GRM8: variants seen among roughly 807,000 people sequenced by gnomAD.
GRM8 encodes metabotropic glutamate receptor 8.
GRM8 carries 47 observed loss-of-function variants against 87.2 expected under a neutral mutation model. The ratio of observed to expected loss-of-function variants is 0.54; its 90% CI spans 0.43 to 0.69. GRM8 has a LOEUF of 0.69. GRM8 is among the 30% of genes least tolerant of loss of function. The pLI is 0.00. For synonymous variants in GRM8, 396 were observed against 404.5 expected (o/e 0.98, Z 0.25); for missense variants, 1,019 against 1,139.2 (o/e 0.89, Z 1.52).
intron 8 of GRM8, among the ~76,000 whole-genome samples, chr7:126,584,990 T>C (rs1406150847): frequency 6.6e-6 from 1 of 152,124 alleles, no homozygotes; most frequent in Non-Finnish European, 1.5e-5. Context: ...AATAACCCAA[T>C]TGAAAATAAA....
intron 2 of GRM8, among the ~76,000 whole-genome samples, chr7:127,237,508 T>C (rs760808160): frequency 1.3e-5 from 2 of 152,230 alleles, no homozygotes; most frequent in Admixed American, 6.5e-5. Flanking sequence ...TATATCTTCA[T>C]AAACATAGCA....
At chr7:126,865,793 G>A (rs554798257) in intron 6 of GRM8, among the ~76,000 whole-genome samples, 1 of 152,104 alleles carries the variant, frequency 6.6e-6, no homozygotes, top group Non-Finnish European at 1.5e-5. Flanking sequence ...ATATTCCATT[G>A]TATGGGTATG....
chr7:126,954,905 T>C (rs564418213), intron 3 of GRM8, among the ~76,000 whole-genome samples: 3 of 152,248 alleles, frequency 2.0e-5, no homozygotes, highest in East Asian at 1.9e-4. Context: ...CTAAGCAAGG[T>C]AGAGAAAGAA....
chr7:127,178,822 C>T lies in GRM8; in HGVS notation c.510+63873G>A, dbSNP rs1185565283. On this transcript the variant is annotated intron_variant, in intron 2 of 10. Coordinates refer to ENST00000339582, the MANE Select transcript of GRM8 (RefSeq NM_000845.3). ...TTCACCTATTACCAAGCCACCACTA[C>T]AAGAACTGCTAAAGGGAGCTCTAAA... 3.9e-5 allele frequency among the ~76,000 whole-genome samples: 6 copies of T among 152,144 alleles called. No individual in the cohort carries two copies. The South Asian group carries it at 8.3e-4, about 21-fold the overall frequency.
At chr7:126,679,111 T>A (rs1289250975) in intron 7 of GRM8, among the ~76,000 whole-genome samples, 1 of 152,200 alleles carries the variant, frequency 6.6e-6, no homozygotes, top group Non-Finnish European at 1.5e-5. Flanking sequence ...CTGTAGGCCA[T>A]CTTCCAGGGT....
rs142239225 is a variant in GRM8 at position 126,813,141 on chromosome 7, T to C, written c.1157-43076A>G. 2.0e-5 allele frequency among the ~76,000 whole-genome samples: 3 copies of C among 152,144 alleles called. No individual in the cohort carries two copies. In the East Asian group the frequency reaches 5.8e-4, roughly 29 times the overall value. ...CAGGTTTACCTATATAACCTACGCA[T>C]GTACCCCTGAACTTAAAAGTTTAAA... On this transcript the variant is annotated intron_variant, in intron 6 of 10. Coordinates refer to ENST00000339582, the MANE Select transcript of GRM8 (RefSeq NM_000845.3).
chr7:126,622,004 TTCTC>T (rs964165616), intron 7 of GRM8, among the ~76,000 whole-genome samples: 68 of 151,802 alleles, frequency 4.5e-4, no homozygotes, highest in African/African-American at 1.6e-3. Flanking sequence ...TCTCTTGCGC[TTCTC>T]TCTGTCCAGT....
intron 3 of GRM8, chr7:126,981,396 A>T (rs1158463193): frequency 6.6e-6 from 1 of 152,186 alleles, no homozygotes; most frequent in East Asian, 1.9e-4. Context: ...TAAATAATTT[A>T]TTTCTTACAG....
At chr7:127,201,250 AT>A (rs923033863) in intron 2 of GRM8, among the ~76,000 whole-genome samples, 1 of 152,166 alleles carries the variant, frequency 6.6e-6, no homozygotes, top group African/African-American at 2.4e-5. Context: ...GAGTTGTCTT[AT>A]TTGATCTATA....
intron 2 of GRM8, among the ~76,000 whole-genome samples, chr7:127,107,886 C>T (rs1825964145): frequency 6.6e-6 from 1 of 152,228 alleles, no homozygotes; most frequent in Non-Finnish European, 1.5e-5. Flanking sequence ...ACGTAAAAGT[C>T]ATCCCGGGAG....
intron 3 of GRM8, among the ~76,000 whole-genome samples, chr7:126,929,635 T>C (rs941966657): frequency 1.3e-5 from 2 of 152,044 alleles, no homozygotes; most frequent in Admixed American, 1.3e-4. Context: ...GGTTTCACCA[T>C]GTTGGCCAGG....
intron 3 of GRM8, among the ~76,000 whole-genome samples, chr7:127,070,202 C>A (rs1419445): frequency 0.35 from 52,703 of 151,964 alleles, 9,582 homozygotes; most frequent in Non-Finnish European, 0.41. Flanking sequence ...TTCTAAAATG[C>A]ACTTGGACAA....
At chr7:126,895,410 A>G (rs1318741919) in intron 6 of GRM8, among the ~76,000 whole-genome samples, 2 of 152,064 alleles carry the variant, frequency 1.3e-5, no homozygotes, top group African/African-American at 4.8e-5. Context: ...ACCAGGATCC[A>G]TGTCACCTGG....
intron 7 of GRM8, among the ~76,000 whole-genome samples, chr7:126,721,983 T>G (rs1396087188): frequency 2.0e-5 from 3 of 152,082 alleles, no homozygotes; most frequent in Non-Finnish European, 2.9e-5. Context: ...CAATGAACAC[T>G]TAAGCAGAGG....
At chr7:126,923,881 G>A (rs1352898184) in intron 3 of GRM8, among the ~76,000 whole-genome samples, 1 of 152,148 alleles carries the variant, frequency 6.6e-6, no homozygotes, top group African/African-American at 2.4e-5. Context: ...GGCAAAGTCT[G>A]AACTAACCCA....
intron 9 of GRM8, among the ~76,000 whole-genome samples, chr7:126,508,280 C>G (rs1475698359): frequency 6.6e-6 from 1 of 151,604 alleles, no homozygotes; most frequent in Non-Finnish European, 1.5e-5. Context: ...CGCAAACACA[C>G]ATTGATTTCT....
intron 10 of GRM8, among the ~76,000 whole-genome samples, chr7:126,439,893 T>A (rs1801262879): frequency 6.7e-6 from 1 of 148,728 alleles, no homozygotes; most frequent in African/African-American, 2.5e-5. Flanking sequence ...AAAAGTAAAA[T>A]GAATAAATAA....
chr7:126,606,551 T>C (rs572036999), intron 8 of GRM8, among the ~76,000 whole-genome samples: 4 of 152,290 alleles, frequency 2.6e-5, no homozygotes, highest in Non-Finnish European at 4.4e-5. Context: ...CTACTCCACC[T>C]TCAAGCAGGT....
At chr7:126,537,733 C>G (rs892869711) in intron 8 of GRM8, among the ~76,000 whole-genome samples, 2 of 151,884 alleles carry the variant, frequency 1.3e-5, no homozygotes, top group Admixed American at 6.6e-5. Context: ...GCCGAGATCA[C>G]GCCACCGCAC....
Sources: allele counts gnomAD v4.1 joint callset (sites outside exome capture counted in the v4.1 genomes callset), GRCh38; gene constraint gnomAD v4.1.1; transcripts MANE v1.5; gene names NCBI Gene and HGNC (gene_info 2026-07-23, HGNC 2026-07-21).